The following SMC5 variants were observed in gnomAD, a reference collection of about 807,000 sequenced individuals.
SMC5 encodes structural maintenance of chromosomes protein 5.
In SMC5, 88 loss-of-function variants were observed where a neutral mutation model predicts 148.3. The ratio of observed to expected loss-of-function variants is 0.59; its 90% confidence interval spans 0.50 to 0.71. The LOEUF is 0.71. Ranked by LOEUF, SMC5 falls within the 30% of genes least tolerant of loss-of-function variation. The pLI is 0.00. For missense variants in SMC5, 1,142 were observed against 1,298.9 expected, an observed-to-expected ratio of 0.88 and a Z score of 1.86; for synonymous variants, 421 against 432.8, an observed-to-expected ratio of 0.97 and a Z score of 0.34.
At chr9:70,273,361 C>T (rs1180110) in intron 3 of SMC5, among the ~76,000 whole-genome samples, 17,800 of 151,726 alleles carry the variant, frequency 0.12, 1,149 homozygotes, top group African/African-American at 0.16. Flanking sequence ...GACATGAATA[C>T]CATCCTCTTA....
intron 17 of SMC5, among the ~76,000 whole-genome samples, chr9:70,338,357 TTC>T (rs2036421227): frequency 6.6e-6 from 1 of 152,158 alleles, no homozygotes; most frequent in African/African-American, 2.4e-5. Context: ...CACATTTTGA[TTC>T]TCTTTTTGTT....
intron 17 of SMC5, among the ~76,000 whole-genome samples, chr9:70,341,841 A>G (rs7848678): frequency 0.21 from 31,113 of 150,660 alleles, 3,277 homozygotes; most frequent in South Asian, 0.27. Context: ...CAATTCCTCA[A>G]GGATCTAGAA....
At chr9:70,339,232 A>G (rs1301488463) in intron 17 of SMC5, among the ~76,000 whole-genome samples, 1 of 152,068 alleles carries the variant, frequency 6.6e-6, no homozygotes, top group African/African-American at 2.4e-5. Context: ...GATCGAGACC[A>G]TCCTGGCTAA....
At chr9:70,345,325 G>A (rs2036640632) in intron 18 of SMC5, among the ~76,000 whole-genome samples, 1 of 151,954 alleles carries the variant, frequency 6.6e-6, no homozygotes, top group Non-Finnish European at 1.5e-5. Flanking sequence ...TTCCTTCTCA[G>A]CTGAAACTTA....
chr9:70,315,341 G>T (rs1362639187), intron 12 of SMC5, 105 bp from the exon 13 acceptor site: 3 of 659,216 alleles, frequency 4.6e-6, no homozygotes, highest in Non-Finnish European at 4.7e-6. Context: ...TGTCATTGTT[G>T]AAATAATGTA....
In SMC5 at chr9:70,307,751, G is replaced by A. The variant is rs967577821; in HGVS notation, c.1578+2391G>A. Among the ~76,000 whole-genome samples, 9 of 151,972 alleles carry A rather than the reference G, an allele frequency of 5.9e-5. No homozygotes were observed. The South Asian group carries it at 6.2e-4, about 11-fold the overall frequency. ...ACTCCTGACCTCAAGTGATCCGCCC[G>A]CCTTGGCCTCCCAAAGTGCTGGGAT... is the stretch of plus-strand genomic sequence containing the variant. On this transcript the variant is annotated intron_variant, in intron 11 of 24. Coordinates refer to ENST00000361138, the MANE Select transcript of SMC5 (RefSeq NM_015110.4).
intron 3 of SMC5, among the ~76,000 whole-genome samples, chr9:70,273,462 A>G (rs536172338): frequency 6.6e-6 from 1 of 152,034 alleles, no homozygotes; most frequent in African/African-American, 2.4e-5. Flanking sequence ...CAATGAACTA[A>G]CTTTTGCATT....
At chr9:70,289,284 T>A (rs1032654652) in intron 8 of SMC5, among the ~76,000 whole-genome samples, 5 of 152,148 alleles carry the variant, frequency 3.3e-5, no homozygotes, top group Non-Finnish European at 7.3e-5. Context: ...GTGATCCACC[T>A]GCCTTGGCCT....
intron 17 of SMC5, among the ~76,000 whole-genome samples, chr9:70,324,670 T>C (rs1186099186): frequency 1.3e-5 from 2 of 152,128 alleles, no homozygotes; most frequent in African/African-American, 4.8e-5. Flanking sequence ...CCACCCTTAC[T>C]TCAGACACCG....
chr9:70,270,716 G>A (rs1229356146), intron 3 of SMC5, among the ~76,000 whole-genome samples: 3 of 141,650 alleles, frequency 2.1e-5, no homozygotes, highest in Non-Finnish European at 4.5e-5. Flanking sequence ...GTGCAATCTC[G>A]GCTCACTGCA....
At chr9:70,308,967 G>A (rs1433681634) in intron 11 of SMC5, among the ~76,000 whole-genome samples, 1 of 152,032 alleles carries the variant, frequency 6.6e-6, no homozygotes, top group Non-Finnish European at 1.5e-5. Context: ...AAACTTTTTG[G>A]CTTCCCAGTA....
Position 70,335,452 on chromosome 9 carries a change from G to A in SMC5, c.2398-8692G>A, listed in dbSNP as rs140126236. On this transcript the variant is annotated intron_variant, in intron 17 of 24. Transcript: ENST00000361138. ...CAGTGAACAGTGATCATGTCACTGC[G>A]CTATAGCCTAGGCAGTAGAGCAAGA... 4.0e-3 allele frequency among the ~76,000 whole-genome samples: 602 copies of A among 152,114 alleles called. 3 individuals carry two copies. The highest frequency in any genetic ancestry group is 0.013 in the African/African-American group (557 of 41,506).
At chr9:70,310,896 T>G (rs2035639534) in intron 11 of SMC5, 1 of 152,294 alleles carries the variant, frequency 6.6e-6, no homozygotes, top group Non-Finnish European at 1.5e-5. Context: ...CTCTGCTAGC[T>G]TCAAGCTTTT....
chr9:70,291,889 A>C (rs958939795), intron 8 of SMC5, among the ~76,000 whole-genome samples: 1 of 151,886 alleles, frequency 6.6e-6, no homozygotes, highest in Non-Finnish European at 1.5e-5. Flanking sequence ...ACCTGTTCAT[A>C]TCTCTCCAGT....
intron 13 of SMC5, among the ~76,000 whole-genome samples, chr9:70,316,497 TG>T (rs1178982818): frequency 6.6e-6 from 1 of 152,014 alleles, no homozygotes; most frequent in Non-Finnish European, 1.5e-5. Flanking sequence ...GGTAATCATT[TG>T]GGAAAACCAA....
At chr9:70,263,871 G>T (rs2034203591) in intron 1 of SMC5, among the ~76,000 whole-genome samples, 1 of 152,146 alleles carries the variant, frequency 6.6e-6, no homozygotes, top group Non-Finnish European at 1.5e-5. Context: ...TGCTTAGATT[G>T]TTTGAAATAT....
chr9:70,332,244 G>C (rs2036236066), intron 17 of SMC5, among the ~76,000 whole-genome samples: 1 of 152,154 alleles, frequency 6.6e-6, no homozygotes, highest in Admixed American at 6.6e-5. Context: ...AATCCCAGCT[G>C]AGTGTAGTGC....
chr9:70,297,604 T>C (rs578167537), intron 8 of SMC5, among the ~76,000 whole-genome samples: 1 of 152,336 alleles, frequency 6.6e-6, no homozygotes, highest in African/African-American at 2.4e-5. Flanking sequence ...GGAAACTGTA[T>C]CACATATGCC....
At chr9:70,289,765 GTA>G (rs1174052646) in intron 8 of SMC5, among the ~76,000 whole-genome samples, 3 of 151,520 alleles carry the variant, frequency 2.0e-5, no homozygotes, top group Non-Finnish European at 4.4e-5. Context: ...GAGTTCATCA[GTA>G]TCTTTATTCT....
Sources: allele counts gnomAD v4.1 joint callset (sites outside exome capture counted in the v4.1 genomes callset), GRCh38; gene constraint gnomAD v4.1.1; transcripts MANE v1.5; gene names NCBI Gene and HGNC (gene_info 2026-07-23, HGNC 2026-07-21).